Variants in PPP1R9A observed in about 807,000 individuals in gnomAD.
PPP1R9A encodes the protein neurabin-1.
Under a neutral mutation model 141.9 loss-of-function variants are expected in PPP1R9A, and 59 were observed. That is an observed-to-expected ratio of 0.42 (90% CI 0.34 to 0.52). The LOEUF (loss-of-function observed/expected upper bound fraction) is 0.52. PPP1R9A is among the 20% of genes least tolerant of loss of function. The pLI is 0.10. For synonymous variants in PPP1R9A, 500 were observed against 569.7 expected, an observed-to-expected ratio of 0.88 and a Z score of 1.74; for missense variants, 1,444 against 1,611.9, an observed-to-expected ratio of 0.90 and a Z score of 1.78.
chr7:95,209,184 A>G (rs1368122575), intron 7 of PPP1R9A, among the ~76,000 whole-genome samples: 2 of 152,310 alleles, frequency 1.3e-5, no homozygotes, highest in Non-Finnish European at 2.9e-5. Context: ...TCAGTATTTA[A>G]TATAATTTAA....
At chr7:95,284,746 A>G (rs1210101021) in intron 17 of PPP1R9A, among the ~76,000 whole-genome samples, 2 of 152,238 alleles carry the variant, frequency 1.3e-5, no homozygotes, top group African/African-American at 2.4e-5. Context: ...CAACTGCTGT[A>G]TAATTCTATC....
intron 2 of PPP1R9A, among the ~76,000 whole-genome samples, chr7:95,104,942 A>T (rs896835536): frequency 6.6e-6 from 1 of 150,724 alleles, no homozygotes; most frequent in Non-Finnish European, 1.5e-5. Flanking sequence ...TTGTGGAAGC[A>T]TGTGAATGTT....
intron 2 of PPP1R9A, among the ~76,000 whole-genome samples, chr7:94,954,721 T>C (rs1300428555): frequency 1.3e-5 from 2 of 151,332 alleles, no homozygotes; most frequent in African/African-American, 2.4e-5. Context: ...TCTTTTTTGG[T>C]GATTTTTTTG....
At chr7:95,094,429 TC>T (rs1817750309) in intron 2 of PPP1R9A, among the ~76,000 whole-genome samples, 1 of 152,208 alleles carries the variant, frequency 6.6e-6, no homozygotes, top group Non-Finnish European at 1.5e-5. Context: ...CTCCATCCCG[TC>T]TTCCAGTGCT....
intron 2 of PPP1R9A, among the ~76,000 whole-genome samples, chr7:95,073,864 A>G (rs1422928394): frequency 2.0e-5 from 3 of 151,864 alleles, no homozygotes; most frequent in Admixed American, 6.6e-5. Context: ...TTATAGTCAT[A>G]AGCCATGGAA....
intron 2 of PPP1R9A, among the ~76,000 whole-genome samples, chr7:94,971,618 T>A (rs540394682): frequency 5.9e-5 from 9 of 152,210 alleles, no homozygotes; most frequent in Non-Finnish European, 1.3e-4. Context: ...TTTGGAACCC[T>A]CTGTATGGGT....
chr7:95,148,688 CAAA>C (rs80065854), intron 4 of PPP1R9A, among the ~76,000 whole-genome samples: 3 of 69,748 alleles, frequency 4.3e-5, no homozygotes, highest in African/African-American at 7.6e-5. Context: ...TCTAAAAATA[CAAA>C]AAAAAAAAAA....
chr7:95,257,762 C>T (rs1032680071), intron 12 of PPP1R9A, among the ~76,000 whole-genome samples: 2 of 151,890 alleles, frequency 1.3e-5, no homozygotes, highest in Non-Finnish European at 2.9e-5. Flanking sequence ...TGAGAACATG[C>T]GGTGTTTGGT....
chr7:95,152,019 T>G (rs952892740), intron 4 of PPP1R9A, among the ~76,000 whole-genome samples: 1 of 143,352 alleles, frequency 7.0e-6, no homozygotes, highest in Non-Finnish European at 1.5e-5. Context: ...TAGCACAATC[T>G]TGGCTCACTG....
At chr7:95,236,071 CT>C (rs1413096161) in intron 8 of PPP1R9A, among the ~76,000 whole-genome samples, 2 of 152,092 alleles carry the variant, frequency 1.3e-5, no homozygotes, top group Non-Finnish European at 2.9e-5. Context: ...TTACCAAAAC[CT>C]CAGAAATCAC....
chr7:95,091,827 T>C (rs768791806), intron 2 of PPP1R9A, among the ~76,000 whole-genome samples: 4 of 63,968 alleles, frequency 6.3e-5, no homozygotes, highest in African/African-American at 1.2e-4. Context: ...TTAATAATGC[T>C]TTTTTTTTTT....
At chr7:95,111,648 A>G (rs1267240196) in intron 3 of PPP1R9A, among the ~76,000 whole-genome samples, 2 of 152,250 alleles carry the variant, frequency 1.3e-5, no homozygotes, top group East Asian at 3.9e-4. Flanking sequence ...AGTGAGGCCT[A>G]ATGCTTTGTT....
chr7:95,137,941 T>C (rs1461407080), intron 4 of PPP1R9A, among the ~76,000 whole-genome samples: 2 of 150,884 alleles, frequency 1.3e-5, no homozygotes, highest in Non-Finnish European at 3.0e-5. Context: ...TTTCTTTTTT[T>C]TTTTTTTTTG....
At chr7:95,075,010 T>C (rs1814628062) in intron 2 of PPP1R9A, among the ~76,000 whole-genome samples, 1 of 152,216 alleles carries the variant, frequency 6.6e-6, no homozygotes, top group Non-Finnish European at 1.5e-5. Flanking sequence ...CATGTCCATG[T>C]AATTGGTTCA....
chr7:95,221,169 A>C (rs1794394715), intron 7 of PPP1R9A, among the ~76,000 whole-genome samples: 2 of 152,114 alleles, frequency 1.3e-5, no homozygotes, highest in Non-Finnish European at 2.9e-5. Flanking sequence ...CAGCAGCAAC[A>C]ATAGCGGTCA....
rs1232961573 is a variant in PPP1R9A at position 95,286,243 on chromosome 7, C to G, written c.3647C>G (p.Thr1216Ser). The G allele has an allele frequency of 6.2e-7, 1 of 1,613,546 alleles. No homozygotes were observed. The highest frequency in any genetic ancestry group is 1.7e-5 in the Admixed American group (1 of 59,954). Reference sequence around the variant, plus strand: ...AATGATGACTTCAGTCCCAGCAGTACCAGTTCAGCAGACCTCAGCGGCTTA... The same window carrying G: ...AATGATGACTTCAGTCCCAGCAGTAGCAGTTCAGCAGACCTCAGCGGCTTA... ...TFNDDFSPSS[T>S]SSADLSGLGA... is the part of the protein sequence containing the mutation. The change falls in exon 18 of 20, where the codon ACC (threonine) becomes AGC (serine). Residue 1216 changes from threonine (T) to serine (S), a missense_variant. By Grantham distance (58) the Thr-to-Ser change is moderately conservative. Coordinates refer to ENST00000433360, the MANE Select transcript of PPP1R9A (RefSeq NM_001166160.2).
At chr7:95,178,403 A>G (rs1198348659) in intron 5 of PPP1R9A, among the ~76,000 whole-genome samples, 2 of 152,166 alleles carry the variant, frequency 1.3e-5, no homozygotes, top group African/African-American at 4.8e-5. Flanking sequence ...AGGAAAGTTC[A>G]TGGCCCTAAA....
chr7:94,983,850 A>G (rs1031299801), intron 2 of PPP1R9A, among the ~76,000 whole-genome samples: 1 of 152,186 alleles, frequency 6.6e-6, no homozygotes, highest in African/African-American at 2.4e-5. Context: ...TTCCCTGGCC[A>G]GAACTTCCAA....
chr7:95,272,775 C>T (rs938456476), intron 14 of PPP1R9A, among the ~76,000 whole-genome samples: 1 of 152,082 alleles, frequency 6.6e-6, no homozygotes, highest in Non-Finnish European at 1.5e-5. Flanking sequence ...GCAACATTAA[C>T]CTGCAAAGTT....
Sources: allele counts gnomAD v4.1 joint callset (sites outside exome capture counted in the v4.1 genomes callset), GRCh38; gene constraint gnomAD v4.1.1; transcripts MANE v1.5; gene names NCBI Gene and HGNC (gene_info 2026-07-23, HGNC 2026-07-21).